Variants in LRCH3 observed in about 807,000 individuals in gnomAD.
LRCH3 encodes the protein DISP complex protein LRCH3.
LRCH3 carries 68 observed loss-of-function variants against 104.5 expected under a neutral mutation model. The ratio of observed to expected loss-of-function variants is 0.65; its 90% CI spans 0.54 to 0.80. LRCH3 has a LOEUF of 0.80. Ranked by LOEUF, LRCH3 falls within the 30% of genes least tolerant of loss-of-function variation. LRCH3 has a pLI of 0.00. For missense variants in LRCH3, 951 were observed against 953.9 expected (o/e 1.00, Z 0.04); for synonymous variants, 344 against 361.3 (o/e 0.95, Z 0.54).
chr3:197,854,606 A>C lies in LRCH3; in HGVS notation c.1644+161A>C, dbSNP rs1740023734. Among the ~76,000 whole-genome samples the C allele has an allele frequency of 6.6e-6, 1 of 152,242 alleles. No homozygotes were observed. The highest frequency in any genetic ancestry group is 2.1e-4 in the South Asian group (1 of 4,836). On this transcript the variant is annotated intron_variant, in intron 14 of 20. Transcript: ENST00000425562. This position sits in a 1 kb window ranked among gnomAD's most constrained non-coding sequence, Gnocchi z 4.5. Reference sequence around the variant, plus strand: ...CCACATGACCATTTGTGATTGACCCAGTGTTTCAAAGTTCTGCAGCTCATA... The same window carrying C: ...CCACATGACCATTTGTGATTGACCCCGTGTTTCAAAGTTCTGCAGCTCATA...
At position 197,882,386 on chromosome 3, in the gene LRCH3, C is replaced by T. The variant is rs547281013; in HGVS notation, c.2209-1155C>T. The stretch of plus-strand genomic sequence containing the variant: ...TTTTAGATCAAAAGATTACAGTTAC[C>T]TCATTTTATCAAAATAAGTATTAAA... On this transcript the variant is annotated intron_variant, in intron 20 of 20. Transcript: ENST00000425562. 1.0e-5 allele frequency: 10 copies of T among 981,594 alleles called. No individual in the cohort carries two copies. The African/African-American group carries it at 1.7e-4, about 17-fold the overall frequency. The allele number at this position is 981,594 out of a possible 1,614,324, so 60.8% of individuals were successfully genotyped here.
chr3:197,876,676 C>T (rs909832060), intron 20 of LRCH3, among the ~76,000 whole-genome samples: 2 of 152,146 alleles, frequency 1.3e-5, no homozygotes, highest in African/African-American at 4.8e-5. Context: ...CTATAGCCTG[C>T]AAGGAGGAAA....
chr3:197,829,701 CA>C, intron 6 of LRCH3, 28 bp downstream of exon 6: 1 of 1,467,228 alleles, frequency 6.8e-7, no homozygotes, highest in Non-Finnish European at 9.3e-7. Context: ...CTTTATCTAT[CA>C]TATTTTTTGT....
At chr3:197,840,686 G>A (rs1737673440) in intron 10 of LRCH3, among the ~76,000 whole-genome samples, 1 of 152,006 alleles carries the variant, frequency 6.6e-6, no homozygotes. Context: ...GTAACTCGGG[G>A]GACTGAGCTA....
In LRCH3 at chr3:197,847,480, T is replaced by C; in HGVS notation, c.1380+20T>C. 1 of 1,571,272 alleles carries C rather than the reference T, an allele frequency of 6.4e-7. No individual in the cohort carries two copies. The highest frequency in any genetic ancestry group is 1.2e-5 in the South Asian group (1 of 82,456). ...AATCAGGTAATGTTTAGTAGTTGTGTTTATTTTTGCTTTTTAAACTAAGAT... is the reference window on the plus strand; with the variant it reads ...AATCAGGTAATGTTTAGTAGTTGTGCTTATTTTTGCTTTTTAAACTAAGAT... On this transcript the variant is annotated intron_variant, in intron 11 of 20. Transcript: ENST00000425562.
intron 1 of LRCH3, among the ~76,000 whole-genome samples, chr3:197,805,979 T>G (rs1580565379): frequency 6.6e-6 from 1 of 151,892 alleles, no homozygotes; most frequent in Non-Finnish European, 1.5e-5. Context: ...CAGGCTGGAG[T>G]GTAATGGTGC....
chr3:197,864,559 G>C (rs1741239363), intron 15 of LRCH3, among the ~76,000 whole-genome samples: 1 of 147,458 alleles, frequency 6.8e-6, no homozygotes, highest in Non-Finnish European at 1.5e-5. Context: ...GTGGTGAGCT[G>C]AGATCGTGCC....
At chr3:197,829,330 T>G (rs1259255135) in intron 5 of LRCH3, among the ~76,000 whole-genome samples, 1 of 152,206 alleles carries the variant, frequency 6.6e-6, no homozygotes, top group Admixed American at 6.5e-5. Flanking sequence ...AGTTATTTAT[T>G]TATATATTAC....
intron 17 of LRCH3, among the ~76,000 whole-genome samples, chr3:197,869,790 C>T (rs879820678): frequency 2.2e-5 from 3 of 134,674 alleles, no homozygotes; most frequent in South Asian, 4.8e-4. Context: ...AGGTAGAAAG[C>T]GATGCACTGT....
chr3:197,879,399 C>G (rs981989226), intron 20 of LRCH3, among the ~76,000 whole-genome samples: 1 of 152,136 alleles, frequency 6.6e-6, no homozygotes, highest in Non-Finnish European at 1.5e-5. Context: ...GTAATCCCAG[C>G]ACTTTGGGAG....
rs1377765432 is a variant in LRCH3 at position 197,835,772 on chromosome 3, C to G, written c.1201C>G (p.Leu401Val). The stretch of plus-strand genomic sequence containing the variant: ...GCCCAAGGGACCAGACCCAGACAGC[C>G]TTAGTTCACAGTTTATGGCGTATAT... ...RQPKGPDPDSLSSQFMAYIEQ... is the reference protein window; with the variant it reads ...RQPKGPDPDSVSSQFMAYIEQ... Residue 401 changes from leucine (L) to valine (V), a missense_variant, in exon 9 of 21, where the codon CTT (leucine) becomes GTT (valine). Physicochemically the swap from Leu to Val is conservative, Grantham distance 32 (BLOSUM62 1). Transcript: ENST00000425562. 1.2e-6 allele frequency: 2 copies of G among 1,614,050 alleles called. No individual in the cohort carries two copies. The highest frequency in any genetic ancestry group is 1.1e-5 in the South Asian group (1 of 91,076).
chr3:197,817,116 G>T, intron 2 of LRCH3, 60 bp from the exon 3 acceptor site: 1 of 1,501,518 alleles, frequency 6.7e-7, no homozygotes, highest in Non-Finnish European at 9.0e-7. Flanking sequence ...GTGAGAAAGA[G>T]AGAAAATTTT....
At chr3:197,871,564 A>G in intron 19 of LRCH3, 102 bp downstream of exon 19, 1 of 1,485,644 alleles carries the variant, frequency 6.7e-7, no homozygotes, top group Non-Finnish European at 9.2e-7. Context: ...AAGGATACAG[A>G]TATAAAGAGT....
At chr3:197,809,742 A>G (rs1238985025) in intron 1 of LRCH3, among the ~76,000 whole-genome samples, 1 of 151,618 alleles carries the variant, frequency 6.6e-6, no homozygotes, top group East Asian at 1.9e-4. Context: ...TCCCCTTCAT[A>G]TCTTCTTTCT....
At chr3:197,871,497 A>G (rs766460122) in intron 19 of LRCH3, 35 bp downstream of exon 19, 2 of 1,608,632 alleles carry the variant, frequency 1.2e-6, no homozygotes, top group Non-Finnish European at 1.7e-6. Context: ...TTGGCTATTC[A>G]TCAGACATTT....
At chr3:197,846,527 C>T in intron 10 of LRCH3, among the ~76,000 whole-genome samples, 1 of 149,616 alleles carries the variant, frequency 6.7e-6, no homozygotes, top group East Asian at 2.0e-4. Flanking sequence ...ATAAGACCCT[C>T]ATTGCCACAG....
chr3:197,847,811 G>C (rs1174063804), intron 11 of LRCH3, 61 bp from the exon 12 acceptor site: 5 of 1,568,018 alleles, frequency 3.2e-6, no homozygotes, highest in Non-Finnish European at 8.7e-7. Context: ...AATTGATAGG[G>C]AATATTGGTA....
intron 14 of LRCH3, among the ~76,000 whole-genome samples, chr3:197,858,539 T>TA: frequency 6.6e-6 from 1 of 152,112 alleles, no homozygotes; most frequent in Non-Finnish European, 1.5e-5. Context: ...CTAACAATGT[T>TA]GATGTTCTGT....
chr3:197,822,650 C>T (rs547634606), intron 4 of LRCH3, among the ~76,000 whole-genome samples: 5 of 152,236 alleles, frequency 3.3e-5, no homozygotes, highest in Admixed American at 6.5e-5. Flanking sequence ...CAGCTACATT[C>T]GTTCGTGTGG....
Sources: gnomAD v4.1 joint callset for allele counts (sites outside exome capture counted in the v4.1 genomes callset) on GRCh38, gnomAD v4.1.1 for gene constraint, Gnocchi (gnomAD v3.1) non-coding constraint, MANE v1.5 for transcripts, NCBI Gene and HGNC (gene_info 2026-07-23, HGNC 2026-07-21) for gene names.